ESR2: variants seen among roughly 807,000 people sequenced by gnomAD.
The protein encoded by ESR2 is estrogen receptor beta.
In ESR2, 36 loss-of-function variants were observed where a neutral mutation model predicts 49.6. The ratio of observed to expected loss-of-function variants is 0.73; its 90% CI spans 0.56 to 0.96. The LOEUF (loss-of-function observed/expected upper bound fraction) is 0.96, where lower values mean the gene tolerates loss of function less well. ESR2 is among the 40% of genes least tolerant of loss of function. The probability of loss-of-function intolerance (pLI) is 0.00; values close to 1 mark genes in which losing one functional copy is unlikely to be tolerated. For synonymous variants in ESR2, 320 were observed against 266.1 expected (o/e 1.20, Z -1.97); for missense variants, 714 against 693.0 (o/e 1.03, Z -0.34).
Position 64,232,899 on chromosome 14 carries a change from GC to G in ESR2, c.*237del. 1 of 626,092 alleles carries G rather than the reference GC, an allele frequency of 1.6e-6. No individual in the cohort carries two copies. The highest frequency in any genetic ancestry group is 2.5e-6 in the Non-Finnish European group (1 of 408,004). The allele number at this position is 626,092 out of a possible 1,614,324, so 38.8% of individuals were successfully genotyped here. A position where few individuals can be genotyped will look rare whatever the true frequency, so the allele number is the denominator to read the frequency against. ...AAAGACCACACTGAGATCCTATGAGGCCATTGAGTGTGGAAACGCTGCATTC... is the reference window on the plus strand; with the variant it reads ...AAAGACCACACTGAGATCCTATGAGGCATTGAGTGTGGAAACGCTGCATTC... On this transcript the variant is annotated 3_prime_UTR_variant, in exon 9 of 9. Transcript: ENST00000341099.
intron 6 of ESR2, among the ~76,000 whole-genome samples, chr14:64,250,911 TCA>T (rs1185285281): frequency 6.6e-6 from 1 of 152,146 alleles, no homozygotes; most frequent in Non-Finnish European, 1.5e-5. Flanking sequence ...TGCAAATTGC[TCA>T]CTTTGGTATA....
intron 1 of ESR2, among the ~76,000 whole-genome samples, chr14:64,292,994 C>A (rs1471559893): frequency 6.6e-6 from 1 of 152,136 alleles, no homozygotes; most frequent in Non-Finnish European, 1.5e-5. Context: ...AAGAATGTTT[C>A]AGAAATTCAT....
chr14:64,244,866 C>T (rs2075815775), intron 7 of ESR2, among the ~76,000 whole-genome samples: 1 of 152,318 alleles, frequency 6.6e-6, no homozygotes, highest in African/African-American at 2.4e-5. Context: ...AAACCTAACA[C>T]ACCCATCCCT....
At chr14:64,243,266 T>C (rs1294359904) in intron 7 of ESR2, among the ~76,000 whole-genome samples, 1 of 152,230 alleles carries the variant, frequency 6.6e-6, no homozygotes, top group Non-Finnish European at 1.5e-5. Context: ...CCAGCTTATA[T>C]GGGCATAGTT....
In ESR2 at chr14:64,290,965, G is replaced by A. The variant is rs139036066; in HGVS notation, c.-91+3068C>T. 5.0e-4 allele frequency among the ~76,000 whole-genome samples: 76 copies of A among 152,318 alleles called. 2 individuals carry two copies. Among genetic ancestry groups the A allele is most frequent in the Non-Finnish European group, 9.0e-4 (61 of 68,022 alleles). On this transcript the variant is annotated intron_variant, in intron 1 of 8. Coordinates refer to ENST00000341099, the MANE Select transcript of ESR2 (RefSeq NM_001437.3). The stretch of plus-strand genomic sequence containing the variant: ...TAGGGTAGGAGGACCAAGCCTCGAA[G>A]GCAGGGGTGGGAGAGAGTTCATCAG...
chr14:64,294,694 C>A (rs987492007), upstream of ESR2, among the ~76,000 whole-genome samples: 1 of 152,232 alleles, frequency 6.6e-6, no homozygotes, highest in African/African-American at 2.4e-5. Flanking sequence ...AGGATCACGT[C>A]CTCAGCCCCT....
chr14:64,236,152 C>T (rs1180087133), intron 7 of ESR2, among the ~76,000 whole-genome samples: 1 of 152,190 alleles, frequency 6.6e-6, no homozygotes, highest in East Asian at 1.9e-4. Flanking sequence ...ATTAAGGCAG[C>T]TCAATTCAAC....
intron 4 of ESR2, among the ~76,000 whole-genome samples, chr14:64,261,882 G>C (rs1233877758): frequency 1.3e-5 from 2 of 152,120 alleles, no homozygotes; most frequent in African/African-American, 4.8e-5. Context: ...CTCCTGAGTA[G>C]CTGGGACTAC....
At chr14:64,323,814 C>T (rs958649925) in intron 1 of ESR2, among the ~76,000 whole-genome samples, 3 of 152,230 alleles carry the variant, frequency 2.0e-5, no homozygotes, top group South Asian at 2.1e-4. Context: ...GCTTCAACCT[C>T]CCAAGTAGTT....
intron 3 of ESR2, among the ~76,000 whole-genome samples, chr14:64,272,728 G>C (rs1002525456): frequency 6.6e-6 from 1 of 152,148 alleles, no homozygotes; most frequent in Admixed American, 6.5e-5. Context: ...TGATCCCTAT[G>C]TCTGTTTTAG....
intron 1 of ESR2, among the ~76,000 whole-genome samples, chr14:64,288,613 G>A (rs965014856): frequency 2.0e-4 from 30 of 151,940 alleles, no homozygotes; most frequent in South Asian, 6.2e-4. Flanking sequence ...CTCCCAAAGT[G>A]CTGGGATTAC....
chr14:64,244,995 TTC>T (rs1392839493), intron 7 of ESR2, among the ~76,000 whole-genome samples: 1 of 152,180 alleles, frequency 6.6e-6, no homozygotes, highest in African/African-American at 2.4e-5. Context: ...GTTTTATATA[TTC>T]TGTCAGGGTT....
chr14:64,228,105 T>C (rs181017413), downstream of ESR2: 20 of 1,289,436 alleles, frequency 1.6e-5, 1 homozygote, highest in African/African-American at 2.8e-4. Context: ...AATTGTTCTT[T>C]TTAAGAAGAT....
intron 7 of ESR2, among the ~76,000 whole-genome samples, chr14:64,248,135 A>G (rs1325822462): frequency 6.6e-6 from 1 of 152,064 alleles, no homozygotes; most frequent in Non-Finnish European, 1.5e-5. Context: ...TCGGAACTGC[A>G]GTAAACCATG....
intron 1 of ESR2, among the ~76,000 whole-genome samples, chr14:64,333,628 T>C (rs2077490895): frequency 6.6e-6 from 1 of 152,180 alleles, no homozygotes; most frequent in Non-Finnish European, 1.5e-5. Context: ...ACATCTTACA[T>C]GGCAACAGGC....
At chr14:64,320,504 T>C (rs1346198244) in intron 1 of ESR2, among the ~76,000 whole-genome samples, 2 of 152,182 alleles carry the variant, frequency 1.3e-5, no homozygotes, top group Non-Finnish European at 2.9e-5. Context: ...TGTATGATGA[T>C]GTAATGATGG....
rs368528559 is a variant in ESR2 at position 64,328,867 on chromosome 14, A to G, written c.-91+9031T>C. ...TGAAACATACACAGTCTGACTCTAA[A>G]GACTCTTTGTATTTCAAAGAAAGTA... On this transcript the variant is annotated intron_variant, in intron 1 of 8. Transcript: ENST00000358599. 2.2e-4 allele frequency among the ~76,000 whole-genome samples: 33 copies of G among 152,312 alleles called. 1 individual carries two copies. The highest frequency in any genetic ancestry group is 7.7e-4 in the African/African-American group (32 of 41,572).
chr14:64,249,712 T>C (rs1555573545), intron 6 of ESR2, 33 bp from the exon 7 acceptor site: 6 of 1,580,930 alleles, frequency 3.8e-6, no homozygotes, highest in Admixed American at 1.9e-5. Context: ...TTAAGGAACA[T>C]AGCTTCAGGA....
chr14:64,288,012 T>C (rs1242697556), intron 1 of ESR2, among the ~76,000 whole-genome samples: 2 of 152,220 alleles, frequency 1.3e-5, no homozygotes, highest in Non-Finnish European at 2.9e-5. Flanking sequence ...TATTCATTTA[T>C]TTGCATGTCA....
Sources: allele counts gnomAD v4.1 joint callset (sites outside exome capture counted in the v4.1 genomes callset), GRCh38; gene constraint gnomAD v4.1.1; transcripts MANE v1.5; gene names NCBI Gene and HGNC (gene_info 2026-07-23, HGNC 2026-07-21).